FGD4: variants seen among roughly 807,000 people sequenced by gnomAD.
The protein encoded by FGD4 is FYVE, RhoGEF and PH domain-containing protein 4.
FGD4 carries 42 observed loss-of-function variants against 102.0 expected under a neutral mutation model. The observed-to-expected ratio is 0.41, with a 90% confidence interval of 0.32 to 0.53. The LOEUF is 0.53. Among genes scored for constraint, FGD4 ranks in the 20% least tolerant of loss-of-function variants. The probability of loss-of-function intolerance (pLI) is 0.21; values close to 1 mark genes in which losing one functional copy is unlikely to be tolerated. For missense variants in FGD4, 902 were observed against 1,078.2 expected (o/e 0.84, Z 2.29); for synonymous variants, 380 against 375.7 (o/e 1.01, Z -0.13).
intron 1 of FGD4, among the ~76,000 whole-genome samples, chr12:32,471,546 C>T (rs1207382446): frequency 2.0e-5 from 3 of 152,208 alleles, no homozygotes; most frequent in African/African-American, 7.2e-5. Context: ...CAGAAGCCTA[C>T]CCAAAGGGGA....
intron 13 of FGD4, 113 bp downstream of exon 13, chr12:32,625,181 T>C: frequency 3.5e-6 from 3 of 853,324 alleles, no homozygotes; most frequent in East Asian, 2.6e-5. Flanking sequence ...CAGAACTGGC[T>C]GGTTAGACAG....
intron 1 of FGD4, among the ~76,000 whole-genome samples, chr12:32,533,056 C>T (rs941074569): frequency 6.6e-6 from 1 of 152,168 alleles, no homozygotes; most frequent in Admixed American, 6.5e-5. Context: ...CCATCAGCTC[C>T]TAGCAGGTGT....
intron 1 of FGD4, among the ~76,000 whole-genome samples, chr12:32,409,975 G>C (rs537954133): frequency 8.7e-5 from 13 of 149,682 alleles, no homozygotes; most frequent in Non-Finnish European, 1.8e-4. Flanking sequence ...AAATCAGCCT[G>C]GGTAACGTAG....
intron 1 of FGD4, among the ~76,000 whole-genome samples, chr12:32,476,799 G>A (rs1943594908): frequency 6.6e-6 from 1 of 152,160 alleles, no homozygotes; most frequent in Non-Finnish European, 1.5e-5. Context: ...TTTTCTGCTG[G>A]ACAAAGCAAT....
chr12:32,414,996 T>C (rs1941348361), intron 1 of FGD4, among the ~76,000 whole-genome samples: 1 of 152,212 alleles, frequency 6.6e-6, no homozygotes, highest in Non-Finnish European at 1.5e-5. Context: ...TTATTATTGT[T>C]TCAATAAATT....
At chr12:32,572,363 G>A (rs1043209447) in intron 2 of FGD4, among the ~76,000 whole-genome samples, 1 of 152,166 alleles carries the variant, frequency 6.6e-6, no homozygotes, top group African/African-American at 2.4e-5. Context: ...CAATCAAGTA[G>A]GGAAAGACTG....
At chr12:32,500,581 C>A (rs1298505537) in intron 1 of FGD4, among the ~76,000 whole-genome samples, 1 of 151,704 alleles carries the variant, frequency 6.6e-6, no homozygotes, top group Non-Finnish European at 1.5e-5. Flanking sequence ...CTACAGGCGC[C>A]CGCCACCATG....
At chr12:32,465,641 C>T (rs1212317685) in intron 1 of FGD4, among the ~76,000 whole-genome samples, 1 of 151,766 alleles carries the variant, frequency 6.6e-6, no homozygotes, top group Non-Finnish European at 1.5e-5. Context: ...GCGCTCCAGC[C>T]TGGCGACAGA....
chr12:32,519,491 T>C (rs182260934), intron 1 of FGD4, among the ~76,000 whole-genome samples: 1 of 152,190 alleles, frequency 6.6e-6, no homozygotes, highest in Non-Finnish European at 1.5e-5. Flanking sequence ...TCTTTTTAAC[T>C]GTCTTTTAAA....
chr12:32,624,868 A>G (rs1950054246), intron 12 of FGD4, 108 bp from the exon 13 acceptor site: 9 of 928,404 alleles, frequency 9.7e-6, no homozygotes, highest in Non-Finnish European at 1.6e-5. Context: ...GAACAGGTTC[A>G]CTTAATTTTC....
chr12:32,564,798 A>T (rs957601939), intron 2 of FGD4, among the ~76,000 whole-genome samples: 2 of 152,252 alleles, frequency 1.3e-5, no homozygotes, highest in Non-Finnish European at 2.9e-5. Flanking sequence ...TTGAGTGGCC[A>T]GTGAGGGTAA....
intron 10 of FGD4, 68 bp from the exon 11 acceptor site, chr12:32,619,630 T>G (rs1286168760): frequency 1.0e-5 from 16 of 1,562,484 alleles, no homozygotes; most frequent in Non-Finnish European, 1.4e-5. Context: ...AGACTCTGTC[T>G]CAAAAAAAAA....
At chr12:32,403,990 C>G (rs1325996703) in intron 1 of FGD4, among the ~76,000 whole-genome samples, 1 of 152,094 alleles carries the variant, frequency 6.6e-6, no homozygotes, top group Non-Finnish European at 1.5e-5. Context: ...CCCTGAAAGG[C>G]TCTTAGTCCC....
chr12:32,534,473 A>G (rs751459259), intron 1 of FGD4: 214 of 1,518,944 alleles, frequency 1.4e-4, no homozygotes, highest in Non-Finnish European at 1.7e-4. Context: ...TTATCAGTAT[A>G]TGTGAAATCA....
chr12:32,539,862 G>GCT (rs1942657949), intron 1 of FGD4, among the ~76,000 whole-genome samples: 2 of 152,134 alleles, frequency 1.3e-5, no homozygotes, highest in Non-Finnish European at 2.9e-5. Flanking sequence ...ATAGCAAAAA[G>GCT]AAATTATACA....
In FGD4 at chr12:32,544,555, A is replaced by G. The variant is rs542320059; in HGVS notation, c.167-19582A>G. On this transcript the variant is annotated intron_variant, in intron 1 of 16. Coordinates refer to ENST00000534526, the MANE Select transcript of FGD4 (RefSeq NM_001370298.3). The surrounding 1 kb of genome is among the most constrained non-coding windows in gnomAD (Gnocchi z 4.1). ...GAGACCAGCCTGGTCAGTATGGTGAAATCCCGTCTCTACAAAAAAATACAA... is the reference window on the plus strand; with the variant it reads ...GAGACCAGCCTGGTCAGTATGGTGAGATCCCGTCTCTACAAAAAAATACAA... 3.9e-5 allele frequency among the ~76,000 whole-genome samples: 6 copies of G among 152,134 alleles called. No homozygotes were observed. The highest frequency in any genetic ancestry group is 2.1e-4 in the South Asian group (1 of 4,810).
At chr12:32,437,822 A>G (rs1451436217) in intron 1 of FGD4, among the ~76,000 whole-genome samples, 1 of 152,186 alleles carries the variant, frequency 6.6e-6, no homozygotes, top group Admixed American at 6.5e-5. Flanking sequence ...CACTGATAAC[A>G]TTCTTGGCCA....
At chr12:32,628,488 C>T (rs1446836028) in intron 14 of FGD4, among the ~76,000 whole-genome samples, 2 of 151,848 alleles carry the variant, frequency 1.3e-5, no homozygotes, top group Non-Finnish European at 2.9e-5. Context: ...TGGGAGATGG[C>T]GACTGAACTA....
rs902446522 is a variant in FGD4 at position 32,466,782 on chromosome 12, C to G, written c.166+66823C>G. Reference sequence around the variant, plus strand: ...ACTCGGGAGGCTGAAACAGGAAAATCACTTGAAGATGGGAATGGGAGGTTG... The same window carrying G: ...ACTCGGGAGGCTGAAACAGGAAAATGACTTGAAGATGGGAATGGGAGGTTG... On this transcript the variant is annotated intron_variant, in intron 1 of 16. Coordinates refer to ENST00000534526, the MANE Select transcript of FGD4 (RefSeq NM_001370298.3). Among the ~76,000 whole-genome samples, 25 of 146,476 alleles carry G rather than the reference C, an allele frequency of 1.7e-4. 1 individual carries two copies. The highest frequency in any genetic ancestry group is 5.0e-4 in the Admixed American group (7 of 14,104).
Sources: allele counts gnomAD v4.1 joint callset (sites outside exome capture counted in the v4.1 genomes callset), GRCh38; gene constraint gnomAD v4.1.1; non-coding constraint Gnocchi (gnomAD v3.1); transcripts MANE v1.5; gene names NCBI Gene and HGNC (gene_info 2026-07-23, HGNC 2026-07-21).